The following TC2N variants were observed in gnomAD, a reference collection of about 807,000 sequenced individuals.
TC2N encodes the protein tandem C2 domains nuclear protein.
A neutral mutation model predicts 61.9 loss-of-function variants in TC2N; 51 were observed. The ratio of observed to expected loss-of-function variants is 0.82; its 90% CI spans 0.66 to 1.04. TC2N has a LOEUF of 1.04. Ranked by LOEUF, TC2N falls within the 50% of genes least tolerant of loss-of-function variation. The pLI, the probability that TC2N is intolerant of heterozygous loss-of-function variation, is 0.00. For missense variants in TC2N, 556 were observed against 566.7 expected (o/e 0.98, Z 0.19); for synonymous variants, 204 against 192.6 (o/e 1.06, Z -0.49).
At chr14:91,799,902 A>G (rs1412827305) in intron 5 of TC2N, among the ~76,000 whole-genome samples, 1 of 152,146 alleles carries the variant, frequency 6.6e-6, no homozygotes, top group Non-Finnish European at 1.5e-5. Flanking sequence ...ATGCAGTGTT[A>G]ACATCAGTGA....
chr14:91,804,186 T>C (rs755348847), intron 3 of TC2N, among the ~76,000 whole-genome samples: 4 of 152,074 alleles, frequency 2.6e-5, no homozygotes, highest in Non-Finnish European at 5.9e-5. Context: ...AGACGGACAA[T>C]AGTACGTGTT....
At chr14:91,826,425 T>G (rs10133762) in intron 1 of TC2N, among the ~76,000 whole-genome samples, 70,744 of 151,510 alleles carry the variant, frequency 0.47, 17,756 homozygotes, top group Non-Finnish European at 0.55. Flanking sequence ...AAACTCCAAC[T>G]ATGACTGTGG....
chr14:91,848,996 T>C (rs553203066), intron 1 of TC2N, among the ~76,000 whole-genome samples: 1 of 152,336 alleles, frequency 6.6e-6, no homozygotes, highest in Non-Finnish European at 1.5e-5. Context: ...CTTTTTCCTG[T>C]TTCTACCTTT....
rs144477957 is a variant in TC2N, at chr14:91,812,304, T to C, written c.301+8A>G. The C allele has an allele frequency of 3.7e-5, 56 of 1,525,816 alleles. No homozygotes were observed. The East Asian group carries it at 1.2e-3, about 33-fold the overall frequency. The allele number at this position is 1,525,816 out of a possible 1,614,324, so 94.5% of individuals were successfully genotyped here. ...TCGATTTTTAAATACTGCTATTTTA[T>C]TGTTTACCTTCAAGTTCTTCCAGAT... On this transcript the variant is annotated splice_region_variant and intron_variant, in intron 3 of 11. Transcript: ENST00000435962.
At chr14:91,813,182 A>G (rs1886856740) in intron 2 of TC2N, among the ~76,000 whole-genome samples, 1 of 151,818 alleles carries the variant, frequency 6.6e-6, no homozygotes, top group Non-Finnish European at 1.5e-5. Context: ...GGAGCCATGC[A>G]ATAGAAAAAG....
At chr14:91,830,893 T>C (rs1464810969) in intron 1 of TC2N, among the ~76,000 whole-genome samples, 2 of 151,974 alleles carry the variant, frequency 1.3e-5, no homozygotes, top group Non-Finnish European at 2.9e-5. Context: ...TTCAAGGAGG[T>C]AGAGTGAGTT....
intron 1 of TC2N, among the ~76,000 whole-genome samples, chr14:91,852,868 G>A (rs1047963226): frequency 2.6e-5 from 4 of 152,054 alleles, no homozygotes; most frequent in Non-Finnish European, 1.5e-5. Context: ...TCAGGAGATC[G>A]AGACCATCCT....
At chr14:91,865,865 C>A (rs998524432) in intron 1 of TC2N, among the ~76,000 whole-genome samples, 3 of 151,962 alleles carry the variant, frequency 2.0e-5, no homozygotes, top group African/African-American at 7.3e-5. Flanking sequence ...AAACCCCTGG[C>A]TAAAGGTGTT....
At chr14:91,850,602 C>A (rs978629116) in intron 1 of TC2N, among the ~76,000 whole-genome samples, 2 of 152,190 alleles carry the variant, frequency 1.3e-5, no homozygotes, top group East Asian at 1.9e-4. Flanking sequence ...CTGTGAACTG[C>A]GCACGTGAGG....
At chr14:91,862,332 T>C in intron 1 of TC2N, among the ~76,000 whole-genome samples, 1 of 123,498 alleles carries the variant, frequency 8.1e-6, no homozygotes, top group East Asian at 2.2e-4. Context: ...AGAGTAAGAC[T>C]CTGTCTCAAA....
chr14:91,791,874 T>G (rs1885673220), intron 9 of TC2N, among the ~76,000 whole-genome samples: 1 of 152,132 alleles, frequency 6.6e-6, no homozygotes, highest in Admixed American at 6.6e-5. Flanking sequence ...CCCAGCACTT[T>G]GGGAGACCGA....
At chr14:91,844,962 C>T (rs961856898) in intron 1 of TC2N, among the ~76,000 whole-genome samples, 15 of 151,812 alleles carry the variant, frequency 9.9e-5, no homozygotes, top group South Asian at 6.2e-4. Context: ...TGGCTGGGTG[C>T]GGTGGCTCAT....
intron 3 of TC2N, among the ~76,000 whole-genome samples, chr14:91,810,041 T>C (rs537922068): frequency 2.0e-5 from 3 of 152,280 alleles, no homozygotes; most frequent in South Asian, 2.1e-4. Context: ...ACAGGAAGCA[T>C]GGTGCCAGCA....
intron 11 of TC2N, among the ~76,000 whole-genome samples, chr14:91,784,021 T>C (rs1885245510): frequency 6.6e-6 from 1 of 152,116 alleles, no homozygotes. Context: ...CTTTCGTTGA[T>C]ACAGGGGTGG....
In TC2N at chr14:91,787,448, A is replaced by G. The variant is rs576462590; in HGVS notation, c.1162+65T>C. The G allele has an allele frequency of 3.4e-6, 3 of 869,968 alleles. No homozygotes were observed. The East Asian group carries it at 8.8e-5, about 26-fold the overall frequency. 53.9% of individuals were successfully genotyped at this position (869,968 alleles called of 1,614,324 possible). ...TTTTAATCTCCATTGTAAGAAATGT[A>G]AAAAAAATACTTTCTATTACTAATA... On this transcript the variant is annotated intron_variant, in intron 10 of 11. Coordinates refer to ENST00000435962, the MANE Select transcript of TC2N (RefSeq NM_001128596.3).
At chr14:91,783,267 C>G (rs901853481) in intron 11 of TC2N, 57 bp from the exon 12 acceptor site, 1 of 985,070 alleles carries the variant, frequency 1.0e-6, no homozygotes, top group Non-Finnish European at 1.6e-6. Context: ...TAACTACATT[C>G]AGACAGTTAG....
chr14:91,795,797 C>T (rs1008475028), intron 8 of TC2N, among the ~76,000 whole-genome samples: 1 of 151,994 alleles, frequency 6.6e-6, no homozygotes. Flanking sequence ...AACTGTTACT[C>T]TTGTTGTAAT....
At chr14:91,852,982 A>T (rs1200915730) in intron 1 of TC2N, among the ~76,000 whole-genome samples, 1 of 152,094 alleles carries the variant, frequency 6.6e-6, no homozygotes, top group Admixed American at 6.5e-5. Context: ...GAGGCAGGAG[A>T]ATGGCGTGAA....
At chr14:91,850,756 C>A in intron 1 of TC2N, among the ~76,000 whole-genome samples, 1 of 152,190 alleles carries the variant, frequency 6.6e-6, no homozygotes, top group Non-Finnish European at 1.5e-5. Context: ...CACTGTGAAA[C>A]CCCTTCTCTA....
Sources: gnomAD v4.1 joint callset for allele counts (sites outside exome capture counted in the v4.1 genomes callset) on GRCh38, gnomAD v4.1.1 for gene constraint, MANE v1.5 for transcripts, NCBI Gene and HGNC (gene_info 2026-07-23, HGNC 2026-07-21) for gene names.